GOLIM4: variants seen among roughly 807,000 people sequenced by gnomAD.
GOLIM4 encodes the protein 130 kDa golgi-localized phosphoprotein.
GOLIM4 carries 71 observed loss-of-function variants against 107.4 expected under a neutral mutation model. That is an observed-to-expected ratio of 0.66 (90% CI 0.55 to 0.81). GOLIM4 has a LOEUF of 0.81. Among genes scored for constraint, GOLIM4 ranks in the 30% least tolerant of loss-of-function variants. The probability of loss-of-function intolerance (pLI) is 0.00; values close to 1 mark genes in which losing one functional copy is unlikely to be tolerated. For missense variants in GOLIM4, 830 were observed against 826.1 expected, an observed-to-expected ratio of 1.00 and a Z score of -0.06; for synonymous variants, 327 against 294.8, an observed-to-expected ratio of 1.11 and a Z score of -1.12.
At position 168,057,519 on chromosome 3, in the gene GOLIM4, G is replaced by A. The variant is rs554079300; in HGVS notation, c.188-9154C>T. 3.7e-4 allele frequency among the ~76,000 whole-genome samples: 57 copies of A among 152,186 alleles called. 1 individual carries two copies. Among genetic ancestry groups the A allele is most frequent in the Middle Eastern group, 3.4e-3 (1 of 294 alleles). ...AAGGCACCTCTTACAAGGGGCAAGT[G>A]CCACTTTTAAACCATCAGATCTTGT... On this transcript the variant is annotated intron_variant, in intron 1 of 15. Coordinates refer to ENST00000470487, the MANE Select transcript of GOLIM4 (RefSeq NM_014498.5).
chr3:168,028,272 C>A (rs1298681884), intron 11 of GOLIM4, among the ~76,000 whole-genome samples: 1 of 152,082 alleles, frequency 6.6e-6, no homozygotes, highest in Non-Finnish European at 1.5e-5. Context: ...CTGTGGAGCT[C>A]AGAAACAAAT....
At chr3:168,050,622 G>C (rs1390188833) in intron 1 of GOLIM4, among the ~76,000 whole-genome samples, 1 of 152,058 alleles carries the variant, frequency 6.6e-6, no homozygotes, top group African/African-American at 2.4e-5. Flanking sequence ...ACTGGCCAAA[G>C]TTCTCACCGT....
chr3:168,095,440 C>A lies in GOLIM4; in HGVS notation c.-155G>T. 1.7e-6 allele frequency: 1 copy of A among 586,652 alleles called. No individual in the cohort carries two copies. The highest frequency in any genetic ancestry group is 2.9e-6 in the Non-Finnish European group (1 of 347,246). 36.3% of individuals were successfully genotyped at this position (586,652 alleles called of 1,614,324 possible). A position where few individuals can be genotyped will look rare whatever the true frequency, so the allele number is the denominator to read the frequency against. Reference sequence around the variant, plus strand: ...GCCGGCCCGGAGGGGAAGTGGCGCCCGCTCAGCCCCCGCGCGGCGCGGGGC... The same window carrying A: ...GCCGGCCCGGAGGGGAAGTGGCGCCAGCTCAGCCCCCGCGCGGCGCGGGGC... On this transcript the variant is annotated 5_prime_UTR_variant, in exon 1 of 16. Transcript: ENST00000470487.
intron 14 of GOLIM4, among the ~76,000 whole-genome samples, chr3:168,013,165 C>T (rs1269015737): frequency 2.6e-5 from 4 of 151,406 alleles, no homozygotes; most frequent in South Asian, 4.2e-4. Context: ...CAGAGACACA[C>T]ATAGGCTCAA....
At chr3:168,066,720 G>A (rs1389313468) in intron 1 of GOLIM4, among the ~76,000 whole-genome samples, 2 of 152,078 alleles carry the variant, frequency 1.3e-5, no homozygotes, top group African/African-American at 4.8e-5. Flanking sequence ...CTTTGTCGGT[G>A]AACAAGTGAG....
At chr3:168,080,267 A>G (rs946488891) in intron 1 of GOLIM4, among the ~76,000 whole-genome samples, 2 of 152,146 alleles carry the variant, frequency 1.3e-5, no homozygotes, top group African/African-American at 4.8e-5. Flanking sequence ...AATGTCTGTA[A>G]CTCTTAAATA....
At chr3:168,012,451 T>G (rs370635270) in intron 14 of GOLIM4, among the ~76,000 whole-genome samples, 1 of 147,046 alleles carries the variant, frequency 6.8e-6, no homozygotes, top group Non-Finnish European at 1.5e-5. Context: ...TGGAACCAAG[T>G]TGGAAAACAC....
At chr3:168,021,967 G>A (rs1008593884) in intron 14 of GOLIM4, among the ~76,000 whole-genome samples, 2 of 152,108 alleles carry the variant, frequency 1.3e-5, no homozygotes, top group Non-Finnish European at 2.9e-5. Context: ...GCGATAAAAC[G>A]TTTGGAATGT....
At chr3:168,027,881 C>G (rs1201746280) in intron 11 of GOLIM4, 44 bp from the exon 12 acceptor site, 5 of 1,237,178 alleles carry the variant, frequency 4.0e-6, no homozygotes, top group South Asian at 3.6e-5. Context: ...ATGAATCAAA[C>G]AGGATTTCCC....
In GOLIM4 at chr3:168,095,361, G is replaced by A; in HGVS notation, c.-76C>T. ...GGTCCGAGCGAGCGTCTCAGCAGCG[G>A]CCGCCGCAGTAGGTGGCCAGACGCA... On this transcript the variant is annotated 5_prime_UTR_variant, in exon 1 of 16. Coordinates refer to ENST00000470487, the MANE Select transcript of GOLIM4 (RefSeq NM_014498.5). 1 of 1,318,892 alleles carries A rather than the reference G, an allele frequency of 7.6e-7. No homozygotes were observed. Among genetic ancestry groups the A allele is most frequent in the South Asian group, 1.3e-5 (1 of 78,584 alleles). 81.7% of individuals were successfully genotyped at this position (1,318,892 alleles called of 1,614,324 possible).
intron 1 of GOLIM4, among the ~76,000 whole-genome samples, chr3:168,049,782 T>A (rs772140208): frequency 6.6e-6 from 1 of 152,188 alleles, no homozygotes; most frequent in Admixed American, 6.5e-5. Flanking sequence ...ATTGTTATGA[T>A]GGCCAACAAC....
chr3:168,083,682 C>T (rs1353004956), intron 1 of GOLIM4, among the ~76,000 whole-genome samples: 1 of 152,094 alleles, frequency 6.6e-6, no homozygotes, highest in Non-Finnish European at 1.5e-5. Context: ...GTGGTTGGTA[C>T]CCAGCAAGTG....
intron 1 of GOLIM4, among the ~76,000 whole-genome samples, chr3:168,057,232 TG>T (rs1720027824): frequency 1.3e-5 from 2 of 152,188 alleles, no homozygotes; most frequent in Non-Finnish European, 2.9e-5. Flanking sequence ...TTCCCAGACT[TG>T]TGGAACTGTA....
At chr3:168,068,166 T>C (rs561104469) in intron 1 of GOLIM4, among the ~76,000 whole-genome samples, 1 of 152,266 alleles carries the variant, frequency 6.6e-6, no homozygotes, top group East Asian at 1.9e-4. Context: ...ACTACTGCAC[T>C]ACAGAATTAA....
At chr3:168,088,123 G>A (rs1373556964) in intron 1 of GOLIM4, among the ~76,000 whole-genome samples, 1 of 152,024 alleles carries the variant, frequency 6.6e-6, no homozygotes, top group East Asian at 1.9e-4. Flanking sequence ...AGAACCATTG[G>A]CTGTCAAAAT....
At chr3:168,073,408 T>C (rs1222065140) in intron 1 of GOLIM4, among the ~76,000 whole-genome samples, 1 of 152,228 alleles carries the variant, frequency 6.6e-6, no homozygotes, top group Non-Finnish European at 1.5e-5. Context: ...CACAGCCATA[T>C]AAAATGTCTA....
rs1361622476 is a variant in GOLIM4 at position 168,032,753 on chromosome 3, G to C, written c.943C>G (p.Gln315Glu). Residue 315 changes from glutamine to glutamate, a missense_variant, in exon 9 of 16, where the codon CAG (glutamine) becomes GAG (glutamate). Physicochemically the swap from Gln to Glu is conservative, Grantham distance 29. Transcript: ENST00000470487. ...YAPTHKEAEF[Q>E]APPEPIQQEV... ...TGTTGGATTGGCTCTGGGGGAGCCT[G>C]AAATTCTGCCTCCTTATGGGTGGGA... 9 of 1,613,732 alleles carry C rather than the reference G, an allele frequency of 5.6e-6. No homozygotes were observed. The highest frequency in any genetic ancestry group is 6.8e-6 in the Non-Finnish European group (8 of 1,179,798).
chr3:168,040,052 A>G (rs547791644), intron 7 of GOLIM4, among the ~76,000 whole-genome samples: 7 of 152,230 alleles, frequency 4.6e-5, no homozygotes, highest in South Asian at 2.1e-4. Context: ...TTCTTTTATC[A>G]TAATTCCTCC....
At chr3:168,089,809 C>T (rs1225055930) in intron 1 of GOLIM4, among the ~76,000 whole-genome samples, 1 of 147,606 alleles carries the variant, frequency 6.8e-6, no homozygotes, top group Non-Finnish European at 1.5e-5. Flanking sequence ...CGCTCTGTTG[C>T]CCAGGCTGGA....
Sources: gnomAD v4.1 joint callset for allele counts (sites outside exome capture counted in the v4.1 genomes callset) on GRCh38, gnomAD v4.1.1 for gene constraint, MANE v1.5 for transcripts, NCBI Gene and HGNC (gene_info 2026-07-23, HGNC 2026-07-21) for gene names.